Variants in RBFOX3 observed in about 807,000 individuals in gnomAD.
RBFOX3 encodes the protein RNA binding protein fox-1 homolog 3.
RBFOX3 carries 17 observed loss-of-function variants against 48.7 expected under a neutral mutation model. That is an observed-to-expected ratio of 0.35 (90% CI 0.24 to 0.52). The LOEUF (loss-of-function observed/expected upper bound fraction) is 0.52. Ranked by LOEUF, RBFOX3 falls within the 20% of genes least tolerant of loss-of-function variation. The pLI is 0.94. For synonymous variants in RBFOX3, 212 were observed against 209.5 expected, an observed-to-expected ratio of 1.01 and a Z score of -0.10; for missense variants, 382 against 497.5, an observed-to-expected ratio of 0.77 and a Z score of 2.21.
intron 2 of RBFOX3, among the ~76,000 whole-genome samples, chr17:79,332,117 G>A (rs2080405738): frequency 6.6e-6 from 1 of 152,170 alleles, no homozygotes; most frequent in Non-Finnish European, 1.5e-5. Flanking sequence ...AACCAGAGCA[G>A]CCATGAACTA....
At chr17:79,325,532 T>C (rs765286554) in intron 2 of RBFOX3, among the ~76,000 whole-genome samples, 3 of 152,106 alleles carry the variant, frequency 2.0e-5, no homozygotes, top group Non-Finnish European at 2.9e-5. Flanking sequence ...CGATAGAGAC[T>C]TGTCCTTGGA....
At chr17:79,355,952 C>T (rs1003657962) in intron 2 of RBFOX3, among the ~76,000 whole-genome samples, 3 of 152,214 alleles carry the variant, frequency 2.0e-5, no homozygotes, top group Admixed American at 2.0e-4. Flanking sequence ...GTTTGACATC[C>T]TTATGTAATA....
At chr17:79,533,259 G>C (rs889191668) in intron 1 of RBFOX3, among the ~76,000 whole-genome samples, 3 of 152,208 alleles carry the variant, frequency 2.0e-5, no homozygotes, top group African/African-American at 7.2e-5. Flanking sequence ...GACAAGCTGC[G>C]CTCTTTGTCC....
Position 79,264,960 on chromosome 17 carries a change from AGAG to A in RBFOX3, c.-73-29158_-73-29156del, listed in dbSNP as rs369802207. 2.8e-3 allele frequency among the ~76,000 whole-genome samples: 395 copies of A among 139,436 alleles called. 3 individuals are homozygous for A. Among genetic ancestry groups the A allele is most frequent in the African/African-American group, 9.9e-3 (365 of 36,836 alleles). 91.5% of individuals were successfully genotyped at this position (139,436 alleles called of 152,430 possible). On this transcript the variant is annotated intron_variant, in intron 3 of 14. Transcript: ENST00000693108. ...AATGCCCTTGGAGACCCTCAGTGCG[AGAG>A]GAGGGGGGGGGGGCGCAGATTTGTG...
intron 3 of RBFOX3, among the ~76,000 whole-genome samples, chr17:79,283,094 G>A (rs756855342): frequency 1.3e-5 from 2 of 152,108 alleles, no homozygotes; most frequent in East Asian, 1.9e-4. Flanking sequence ...AAATCAAGGC[G>A]GGGGCGGGAA....
chr17:79,275,955 A>G (rs1194633170), intron 3 of RBFOX3, among the ~76,000 whole-genome samples: 1 of 152,258 alleles, frequency 6.6e-6, no homozygotes, highest in Non-Finnish European at 1.5e-5. Context: ...ACCACAGCCA[A>G]AAACGGGAAA....
At chr17:79,645,543 G>A in the RBFOX3 span, among the ~76,000 whole-genome samples, 1 of 152,138 alleles carries the variant, frequency 6.6e-6, no homozygotes, top group South Asian at 2.1e-4. Context: ...CCTTCCAGCT[G>A]CCCCTTCTCT....
intron 2 of RBFOX3, among the ~76,000 whole-genome samples, chr17:79,472,953 T>C (rs1360065816): frequency 2.0e-5 from 3 of 152,238 alleles, no homozygotes; most frequent in African/African-American, 7.2e-5. Flanking sequence ...GCTGCCCAGC[T>C]GATCTCAAAC....
intron 2 of RBFOX3, among the ~76,000 whole-genome samples, chr17:79,351,890 G>A (rs1325360844): frequency 1.3e-5 from 2 of 152,076 alleles, no homozygotes; most frequent in African/African-American, 2.4e-5. Flanking sequence ...CCTCACCCTT[G>A]TTTTAAGGCC....
chr17:79,596,335 A>G (rs2093568774), intron 1 of RBFOX3, among the ~76,000 whole-genome samples: 1 of 152,214 alleles, frequency 6.6e-6, no homozygotes, highest in Non-Finnish European at 1.5e-5. Flanking sequence ...TTTCCTGCAG[A>G]TCAGCGGGGT....
intron 2 of RBFOX3, among the ~76,000 whole-genome samples, chr17:79,323,204 C>G (rs188793181): frequency 6.6e-6 from 1 of 152,206 alleles, no homozygotes; most frequent in Non-Finnish European, 1.5e-5. Flanking sequence ...GTGAAAGACA[C>G]AGCACTGGCA....
At chr17:79,616,757 G>A in the RBFOX3 span, among the ~76,000 whole-genome samples, 2 of 152,274 alleles carry the variant, frequency 1.3e-5, no homozygotes, top group East Asian at 3.9e-4. Context: ...CACGACCTGA[G>A]GGAATGTATG....
chr17:79,099,582 G>A (rs72853373), intron 9 of RBFOX3: 1,675 of 152,382 alleles, frequency 0.011, 18 homozygotes, highest in Non-Finnish European at 0.016. Context: ...CACTCTGGGC[G>A]AGTGAGACTT....
intron 1 of RBFOX3, among the ~76,000 whole-genome samples, chr17:79,608,486 G>T (rs1258551143): frequency 6.6e-6 from 1 of 152,114 alleles, no homozygotes; most frequent in Non-Finnish European, 1.5e-5. Flanking sequence ...GGGGGGAGGA[G>T]GGTGGATAGC....
chr17:79,265,262 G>A (rs1600296546), intron 3 of RBFOX3, among the ~76,000 whole-genome samples: 1 of 152,198 alleles, frequency 6.6e-6, no homozygotes, highest in African/African-American at 2.4e-5. Flanking sequence ...TAAATGTAAT[G>A]CCGTGTCCTC....
At chr17:79,524,746 A>G (rs1034771124) in intron 1 of RBFOX3, among the ~76,000 whole-genome samples, 7 of 152,214 alleles carry the variant, frequency 4.6e-5, no homozygotes, top group Non-Finnish European at 2.9e-5. Flanking sequence ...TCTGCCGTGC[A>G]GCAGGTTTGT....
chr17:79,337,452 A>G (rs1267003237), intron 2 of RBFOX3, among the ~76,000 whole-genome samples: 1 of 152,164 alleles, frequency 6.6e-6, no homozygotes, highest in Non-Finnish European at 1.5e-5. Context: ...ATGCGTGTAC[A>G]AGAAGAGCCC....
intron 2 of RBFOX3, among the ~76,000 whole-genome samples, chr17:79,376,673 G>A (rs768493046): frequency 3.9e-5 from 6 of 152,172 alleles, no homozygotes; most frequent in Admixed American, 6.5e-5. Flanking sequence ...AGGGCCGCAC[G>A]GGGGCTGGAG....
intron 5 of RBFOX3, among the ~76,000 whole-genome samples, chr17:79,113,840 G>A (rs903806544): frequency 2.0e-5 from 3 of 152,034 alleles, no homozygotes; most frequent in Admixed American, 1.3e-4. Context: ...CCTGGAACAC[G>A]GCAGGTGCTC....
Sources: gnomAD v4.1 joint callset for allele counts (sites outside exome capture counted in the v4.1 genomes callset) on GRCh38, gnomAD v4.1.1 for gene constraint, MANE v1.5 for transcripts, NCBI Gene and HGNC (gene_info 2026-07-23, HGNC 2026-07-21) for gene names.